Variants in PCDH15 observed in about 807,000 individuals in gnomAD.
The protein encoded by PCDH15 is protocadherin-15.
PCDH15 carries 129 observed loss-of-function variants against 178.5 expected under a neutral mutation model. That is an observed-to-expected ratio of 0.72 (90% CI 0.63 to 0.84). PCDH15 has a LOEUF of 0.84. PCDH15 is among the 40% of genes least tolerant of loss of function. PCDH15 has a pLI of 0.00. For synonymous variants in PCDH15, 800 were observed against 732.0 expected (o/e 1.09, Z -1.50); for missense variants, 2,230 against 2,099.9 (o/e 1.06, Z -1.21).
At chr10:54,510,687 G>C (rs1429751980) in intron 3 of PCDH15, among the ~76,000 whole-genome samples, 3 of 152,124 alleles carry the variant, frequency 2.0e-5, no homozygotes, top group Non-Finnish European at 4.4e-5. Flanking sequence ...TAATGAAATA[G>C]GTAGTACAAG....
At chr10:55,091,586 CAT>C in intron 2 of PCDH15, among the ~76,000 whole-genome samples, 2 of 151,974 alleles carry the variant, frequency 1.3e-5, no homozygotes, top group East Asian at 3.9e-4. Flanking sequence ...TCTAATGACA[CAT>C]ATAAGTGTTG....
At position 54,725,897 on chromosome 10, in the gene PCDH15, A is replaced by T. The variant is rs1591304675; in HGVS notation, c.-28-61607T>A. On this transcript the variant is annotated intron_variant, in intron 1 of 37. Transcript: ENST00000644397. ...TGGAATTCAGTTCTGGTAAAAAAAA[A>T]TTACTGCTGATATGCACTAACTTGA... Among the ~76,000 whole-genome samples, 4 of 117,008 alleles carry T rather than the reference A, an allele frequency of 3.4e-5. No homozygotes were observed. In the Admixed American group the frequency reaches 3.5e-4, roughly 10 times the overall value. 76.8% of individuals were successfully genotyped at this position (117,008 alleles called of 152,430 possible).
rs537909684 is a variant in PCDH15 at position 53,845,856 on chromosome 10, A to G, written c.3807-5360T>C. 2.0e-5 allele frequency among the ~76,000 whole-genome samples: 3 copies of G among 151,986 alleles called. No individual in the cohort carries two copies. In the South Asian group the frequency reaches 6.2e-4, roughly 31 times the overall value. On this transcript the variant is annotated intron_variant, in intron 28 of 37. Transcript: ENST00000644397. ...AATAATGTGTTGTATATTTCAAAAC[A>G]GCTAGATAAGAAGAATTGTAATGGT... is the stretch of plus-strand genomic sequence containing the variant.
intron 27 of PCDH15, among the ~76,000 whole-genome samples, chr10:53,860,638 C>T (rs957284194): frequency 6.9e-6 from 1 of 145,928 alleles, no homozygotes; most frequent in African/African-American, 2.5e-5. Flanking sequence ...GGTTGAGGCA[C>T]GAGAATTGCT....
chr10:54,388,002 T>C (rs1048034868), intron 3 of PCDH15, among the ~76,000 whole-genome samples: 12 of 152,144 alleles, frequency 7.9e-5, no homozygotes, highest in African/African-American at 2.9e-4. Context: ...TGATTAATGG[T>C]ATAGAGTTTT....
intron 2 of PCDH15, among the ~76,000 whole-genome samples, chr10:55,356,599 T>C (rs1203875235): frequency 3.9e-5 from 6 of 151,950 alleles, no homozygotes; most frequent in Admixed American, 3.9e-4. Flanking sequence ...ATTTATTCAA[T>C]CACTCATTTT....
intron 14 of PCDH15, among the ~76,000 whole-genome samples, chr10:54,138,205 G>A (rs985026225): frequency 8.6e-5 from 13 of 152,004 alleles, no homozygotes; most frequent in African/African-American, 2.9e-4. Flanking sequence ...CTTTTTGGGG[G>A]TTTCAGTATG....
intron 2 of PCDH15, among the ~76,000 whole-genome samples, chr10:54,611,296 ACCTC>A (rs2092953807): frequency 6.6e-6 from 1 of 151,760 alleles, no homozygotes; most frequent in Non-Finnish European, 1.5e-5. Context: ...TTTAAAAAAA[ACCTC>A]CCTGATAATT....
chr10:54,259,334 C>A (rs1031289208), intron 8 of PCDH15, among the ~76,000 whole-genome samples: 3 of 152,112 alleles, frequency 2.0e-5, no homozygotes, highest in African/African-American at 7.2e-5. Context: ...GAAGCTGTAT[C>A]CTCAGGGCCC....
At chr10:54,178,241 G>C (rs1384509098) in intron 13 of PCDH15, among the ~76,000 whole-genome samples, 2 of 152,114 alleles carry the variant, frequency 1.3e-5, no homozygotes, top group African/African-American at 4.8e-5. Flanking sequence ...TATGATTTTA[G>C]TGGTGTGATG....
intron 15 of PCDH15, among the ~76,000 whole-genome samples, chr10:54,094,763 A>G (rs186365045): frequency 6.6e-6 from 1 of 152,286 alleles, no homozygotes; most frequent in Non-Finnish European, 1.5e-5. Context: ...ATTTAATATA[A>G]TTTTAATTTT....
Position 54,702,182 on chromosome 10 carries a change from G to GA in PCDH15, c.-28-37893dup, listed in dbSNP as rs575022524. Among the ~76,000 whole-genome samples the GA allele has an allele frequency of 8.6e-5, 13 of 151,902 alleles. No homozygotes were observed. The East Asian group carries it at 2.3e-3, about 27-fold the overall frequency. On this transcript the variant is annotated intron_variant, in intron 1 of 37. Transcript: ENST00000644397. ...CAAAATCATACAAATACATCAAAAT[G>GA]AAAAAAGCTACTCCTGGATTACAAT...
intron 10 of PCDH15, 53 bp from the exon 11 acceptor site, chr10:54,195,942 T>C: frequency 6.5e-7 from 1 of 1,536,262 alleles, no homozygotes; most frequent in Non-Finnish European, 9.0e-7. Context: ...GTGCTATCTT[T>C]TTGGAGTTTC....
intron 14 of PCDH15, among the ~76,000 whole-genome samples, chr10:54,140,674 G>C (rs1306394845): frequency 1.3e-5 from 2 of 151,174 alleles, no homozygotes; most frequent in Non-Finnish European, 2.9e-5. Flanking sequence ...TCACCATGTT[G>C]GTCATGATGG....
chr10:53,848,803 C>A (rs1248273981), intron 28 of PCDH15, among the ~76,000 whole-genome samples: 1 of 151,934 alleles, frequency 6.6e-6, no homozygotes, highest in Non-Finnish European at 1.5e-5. Flanking sequence ...AATTTTATTT[C>A]TTTAATGTAT....
chr10:54,004,622 G>A (rs1349101882), intron 20 of PCDH15, among the ~76,000 whole-genome samples: 2 of 151,892 alleles, frequency 1.3e-5, no homozygotes, highest in Non-Finnish European at 2.9e-5. Context: ...CTCTGCAATG[G>A]AAACTATAAA....
intron 2 of PCDH15, among the ~76,000 whole-genome samples, chr10:55,010,302 G>C (rs1161928181): frequency 1.3e-5 from 2 of 152,130 alleles, no homozygotes; most frequent in East Asian, 1.9e-4. Flanking sequence ...AAATATGCTG[G>C]GAGGCCTGAC....
chr10:55,121,613 T>A (rs1238457292), intron 2 of PCDH15, among the ~76,000 whole-genome samples: 1 of 152,094 alleles, frequency 6.6e-6, no homozygotes, highest in Non-Finnish European at 1.5e-5. Context: ...AATGTGATAG[T>A]ATTAAGAGGT....
intron 3 of PCDH15, among the ~76,000 whole-genome samples, chr10:54,425,899 G>A (rs995796857): frequency 2.0e-5 from 3 of 152,272 alleles, no homozygotes; most frequent in Admixed American, 6.5e-5. Context: ...CAACTGAGAA[G>A]TCTAATAGCA....
Sources: allele counts gnomAD v4.1 joint callset (sites outside exome capture counted in the v4.1 genomes callset), GRCh38; gene constraint gnomAD v4.1.1; transcripts MANE v1.5; gene names NCBI Gene and HGNC (gene_info 2026-07-23, HGNC 2026-07-21).